ARB2A: variants seen among roughly 807,000 people sequenced by gnomAD.
The protein encoded by ARB2A is ARB2 cotranscriptional regulator A, also known as cotranscriptional regulator ARB2A.
the ARB2A span, among the ~76,000 whole-genome samples, chr5:93,777,142 A>T: frequency 1.8e-5 from 2 of 110,032 alleles, no homozygotes; most frequent in Non-Finnish European, 3.5e-5. Context: ...GGAACATCAC[A>T]CTCTGGGGAC....
chr5:93,670,724 A>G, the ARB2A span, among the ~76,000 whole-genome samples: 1 of 152,226 alleles, frequency 6.6e-6, no homozygotes, highest in Non-Finnish European at 1.5e-5. Context: ...TACAAACATA[A>G]TATTTCTTGT....
chr5:93,871,562 C>T, the ARB2A span, among the ~76,000 whole-genome samples: 1 of 152,116 alleles, frequency 6.6e-6, no homozygotes, highest in Non-Finnish European at 1.5e-5. Flanking sequence ...TCCTCAAAAA[C>T]ATCAATGAAG....
the ARB2A span, among the ~76,000 whole-genome samples, chr5:93,959,443 T>C: frequency 2.0e-5 from 3 of 152,020 alleles, no homozygotes; most frequent in African/African-American, 4.8e-5. Context: ...AAGTCTATAG[T>C]TGTATAACAG....
At chr5:93,780,935 C>T in the ARB2A span, among the ~76,000 whole-genome samples, 11 of 151,908 alleles carry the variant, frequency 7.2e-5, no homozygotes, top group Non-Finnish European at 1.0e-4. Context: ...ATTACTTAAC[C>T]TTTGTTCTGT....
chr5:94,012,128 C>T, the ARB2A span, among the ~76,000 whole-genome samples: 5 of 151,938 alleles, frequency 3.3e-5, no homozygotes, highest in South Asian at 2.1e-4. Context: ...TGGGGCCAGG[C>T]GCAGTGGCTC....
chr5:93,806,342 G>T, the ARB2A span, among the ~76,000 whole-genome samples: 1 of 151,688 alleles, frequency 6.6e-6, no homozygotes, highest in Non-Finnish European at 1.5e-5. Flanking sequence ...AACAGTTACA[G>T]CTTTTATAAT....
At chr5:93,950,200 C>A in the ARB2A span, among the ~76,000 whole-genome samples, 1 of 152,178 alleles carries the variant, frequency 6.6e-6, no homozygotes, top group East Asian at 1.9e-4. Flanking sequence ...CTTTGATAAA[C>A]TGATTTCCAT....
chr5:93,818,978 G>A, the ARB2A span, among the ~76,000 whole-genome samples: 1 of 151,782 alleles, frequency 6.6e-6, no homozygotes. Context: ...ACGAGGTCAG[G>A]AGATCGAGAC....
the ARB2A span, among the ~76,000 whole-genome samples, chr5:94,097,484 T>A: frequency 2.0e-5 from 3 of 152,288 alleles, no homozygotes; most frequent in East Asian, 5.8e-4. Context: ...TGGGAGCATG[T>A]CTTTCCCATG....
At chr5:93,900,747 A>G in the ARB2A span, among the ~76,000 whole-genome samples, 7 of 152,194 alleles carry the variant, frequency 4.6e-5, no homozygotes, top group East Asian at 1.3e-3. Flanking sequence ...CAATATTCAC[A>G]TAAGTTTATC....
the ARB2A span, among the ~76,000 whole-genome samples, chr5:93,814,724 C>A: frequency 6.6e-6 from 1 of 152,296 alleles, no homozygotes; most frequent in African/African-American, 2.4e-5. Flanking sequence ...TTCCCCAGTA[C>A]TTGTATGGAG....
At chr5:93,911,358 G>A in the ARB2A span, among the ~76,000 whole-genome samples, 2 of 151,204 alleles carry the variant, frequency 1.3e-5, no homozygotes, top group Admixed American at 6.6e-5. Flanking sequence ...TTCTTTAATC[G>A]AAACCAAAAC....
At chr5:93,788,853 A>T in the ARB2A span, among the ~76,000 whole-genome samples, 1 of 152,206 alleles carries the variant, frequency 6.6e-6, no homozygotes, top group Non-Finnish European at 1.5e-5. Flanking sequence ...TGTAAATCCA[A>T]CTCAATTCAA....
the ARB2A span, among the ~76,000 whole-genome samples, chr5:93,857,494 C>T: frequency 2.8e-4 from 42 of 152,246 alleles, 1 homozygote; most frequent in Admixed American, 2.3e-3. Context: ...CAATGGTGGG[C>T]GCCCCTCCCC....
chr5:93,909,440 A>G, the ARB2A span, among the ~76,000 whole-genome samples: 4 of 150,974 alleles, frequency 2.6e-5, no homozygotes, highest in Non-Finnish European at 5.9e-5. Flanking sequence ...AAAATGAAAA[A>G]AAAATGTTAT....
chr5:93,798,540 G>T, the ARB2A span, among the ~76,000 whole-genome samples: 1 of 151,996 alleles, frequency 6.6e-6, no homozygotes, highest in South Asian at 2.1e-4. Flanking sequence ...TAACATCATG[G>T]TTTACTGAAA....
chr5:94,067,814 C>T, the ARB2A span, among the ~76,000 whole-genome samples: 1 of 151,866 alleles, frequency 6.6e-6, no homozygotes, highest in African/African-American at 2.4e-5. Context: ...TAGAGAAAAA[C>T]AAAAAACACT....
the ARB2A span, among the ~76,000 whole-genome samples, chr5:93,895,300 C>T: frequency 1.3e-5 from 2 of 152,040 alleles, no homozygotes; most frequent in African/African-American, 2.4e-5. Context: ...TTCTGCTTTC[C>T]GAGTCTTCCA....
the ARB2A span, among the ~76,000 whole-genome samples, chr5:94,076,107 C>A: frequency 3.4e-4 from 52 of 152,236 alleles, no homozygotes; most frequent in African/African-American, 1.3e-3. Flanking sequence ...AAACAAATCA[C>A]GGCTTCATCA....
Sources: gnomAD v4.1 joint callset for allele counts (sites outside exome capture counted in the v4.1 genomes callset) on GRCh38, gnomAD v4.1.1 for gene constraint, MANE v1.5 for transcripts, NCBI Gene and HGNC (gene_info 2026-07-23, HGNC 2026-07-21) for gene names.